Variants in CCDC6 observed in about 807,000 individuals in gnomAD.
The protein encoded by CCDC6 is coiled-coil domain containing 6, also known as coiled-coil domain-containing protein 6.
A neutral mutation model predicts 56.6 loss-of-function variants in CCDC6; 20 were observed. The observed-to-expected ratio is 0.35, with a 90% CI of 0.25 to 0.51. The LOEUF is 0.51. Ranked by LOEUF, CCDC6 falls within the 20% of genes least tolerant of loss-of-function variation. The pLI is 0.95. For synonymous variants in CCDC6, 241 were observed against 234.4 expected (o/e 1.03, Z -0.26); for missense variants, 367 against 601.1 (o/e 0.61, Z 4.07).
At chr10:59,858,796 T>C (rs186901275) in intron 1 of CCDC6, among the ~76,000 whole-genome samples, 49 of 152,340 alleles carry the variant, frequency 3.2e-4, no homozygotes, top group South Asian at 8.3e-4. Context: ...GAAAAGTAGC[T>C]AAATGTTTAC....
chr10:59,846,078 G>C (rs1209976303), intron 2 of CCDC6, among the ~76,000 whole-genome samples: 1 of 152,174 alleles, frequency 6.6e-6, no homozygotes, highest in Non-Finnish European at 1.5e-5. Context: ...GAAAAGAAGA[G>C]AATTGGGAGT....
chr10:59,820,854 G>GT (rs1564741741), intron 3 of CCDC6, among the ~76,000 whole-genome samples: 86 of 149,244 alleles, frequency 5.8e-4, no homozygotes, highest in African/African-American at 1.2e-3. Context: ...AAGTTGGCTA[G>GT]ATTTTTTTTT....
intron 6 of CCDC6, among the ~76,000 whole-genome samples, chr10:59,805,961 T>G (rs532672110): frequency 6.6e-6 from 1 of 152,300 alleles, no homozygotes; most frequent in East Asian, 1.9e-4. Context: ...CAGCACGTAT[T>G]GGCATCAACA....
chr10:59,807,464 A>G (rs1174431494), intron 5 of CCDC6, among the ~76,000 whole-genome samples: 2 of 152,214 alleles, frequency 1.3e-5, no homozygotes, highest in African/African-American at 4.8e-5. Context: ...AGCCTGGGCA[A>G]CACAGCAAGA....
intron 3 of CCDC6, among the ~76,000 whole-genome samples, chr10:59,830,662 C>G (rs1206053660): frequency 6.6e-6 from 1 of 152,166 alleles, no homozygotes; most frequent in African/African-American, 2.4e-5. Flanking sequence ...AAGTTATTAA[C>G]TTGGTATAGA....
At chr10:59,800,303 AT>A (rs2070561390) in intron 7 of CCDC6, among the ~76,000 whole-genome samples, 2 of 152,196 alleles carry the variant, frequency 1.3e-5, no homozygotes, top group East Asian at 3.8e-4. Flanking sequence ...CAGCTCAACC[AT>A]CCTTATCCTT....
intron 5 of CCDC6, among the ~76,000 whole-genome samples, chr10:59,808,711 A>T (rs908595280): frequency 6.6e-6 from 1 of 152,184 alleles, no homozygotes; most frequent in East Asian, 1.9e-4. Context: ...TGCCACAATG[A>T]GCATTTTTCT....
At chr10:59,862,501 GTATATA>G (rs146237484) in intron 1 of CCDC6, among the ~76,000 whole-genome samples, 1 of 85,074 alleles carries the variant, frequency 1.2e-5, no homozygotes, top group African/African-American at 6.0e-5. Context: ...AAAAAAAAAA[GTATATA>G]TATATATATA....
intron 1 of CCDC6, among the ~76,000 whole-genome samples, chr10:59,865,635 C>T (rs1223668427): frequency 4.6e-5 from 7 of 152,040 alleles, no homozygotes; most frequent in Admixed American, 3.3e-4. Flanking sequence ...GGGCAGATCA[C>T]GAGGTCAAGA....
intron 1 of CCDC6, among the ~76,000 whole-genome samples, chr10:59,882,436 A>G (rs113001816): frequency 1.4e-5 from 1 of 72,394 alleles, no homozygotes; most frequent in African/African-American, 5.0e-5. Context: ...CCAGGGGGAG[A>G]AGGAAAGGAA....
intron 1 of CCDC6, among the ~76,000 whole-genome samples, chr10:59,901,311 C>A (rs1044021745): frequency 6.6e-6 from 1 of 152,088 alleles, no homozygotes; most frequent in Admixed American, 6.5e-5. Flanking sequence ...ACACTCTCAT[C>A]GTCACATTTA....
intron 3 of CCDC6, among the ~76,000 whole-genome samples, chr10:59,828,246 G>A (rs963921043): frequency 4.6e-5 from 7 of 152,162 alleles, no homozygotes; most frequent in African/African-American, 1.7e-4. Flanking sequence ...AGGGTTTATA[G>A]GCACTGGCCA....
chr10:59,835,412 G>T (rs2070873494), intron 2 of CCDC6, among the ~76,000 whole-genome samples: 1 of 152,140 alleles, frequency 6.6e-6, no homozygotes, highest in Admixed American at 6.6e-5. Context: ...ACTATAGATT[G>T]AACTAGTAAC....
intron 1 of CCDC6, among the ~76,000 whole-genome samples, chr10:59,880,475 T>C (rs1564755318): frequency 1.3e-5 from 2 of 152,108 alleles, no homozygotes; most frequent in Admixed American, 6.5e-5. Flanking sequence ...TTAAGCAGAG[T>C]TCAAACTCCA....
At chr10:59,856,265 C>T (rs1435717885) in intron 1 of CCDC6, among the ~76,000 whole-genome samples, 2 of 151,174 alleles carry the variant, frequency 1.3e-5, no homozygotes, top group Non-Finnish European at 2.9e-5. Context: ...CCCTCTTTTT[C>T]CAGTTGGTGC....
intron 7 of CCDC6, among the ~76,000 whole-genome samples, chr10:59,795,117 C>A (rs1475901964): frequency 2.6e-5 from 4 of 151,232 alleles, no homozygotes; most frequent in African/African-American, 9.7e-5. Flanking sequence ...CGTGGGACTA[C>A]ATTCAACTAA....
chr10:59,790,270 G>A lies in CCDC6; in HGVS notation c.*2647C>T, dbSNP rs901472743. 17 of 218,908 alleles carry A rather than the reference G, an allele frequency of 7.8e-5. No individual in the cohort carries two copies. The highest frequency in any genetic ancestry group is 7.5e-4 in the Admixed American group (13 of 17,250). The allele number at this position is 218,908 out of a possible 1,614,324, so 13.6% of individuals were successfully genotyped here. A position where few individuals can be genotyped will look rare whatever the true frequency, so the allele number is the denominator to read the frequency against. On this transcript the variant is annotated 3_prime_UTR_variant, in exon 9 of 9. Coordinates refer to ENST00000263102, the MANE Select transcript of CCDC6 (RefSeq NM_005436.5). ...AAGACAGGAAAATGAAGCTACTGAA[G>A]CCCCTGTTGCTCCCACCTGCCTGCA...
intron 7 of CCDC6, among the ~76,000 whole-genome samples, chr10:59,799,056 T>A (rs966299781): frequency 2.0e-5 from 3 of 150,576 alleles, no homozygotes; most frequent in Admixed American, 6.6e-5. Flanking sequence ...AGTTCATTTT[T>A]AAAAATATAG....
intron 1 of CCDC6, among the ~76,000 whole-genome samples, chr10:59,900,664 C>T (rs912368436): frequency 1.5e-4 from 23 of 152,144 alleles, no homozygotes; most frequent in Admixed American, 2.0e-4. Context: ...CCTCTCTGGT[C>T]CTGAACAAGA....
Sources: allele counts gnomAD v4.1 joint callset (sites outside exome capture counted in the v4.1 genomes callset), GRCh38; gene constraint gnomAD v4.1.1; transcripts MANE v1.5; gene names NCBI Gene and HGNC (gene_info 2026-07-23, HGNC 2026-07-21).